Variants in GUCD1 observed in about 807,000 individuals in gnomAD.
The protein encoded by GUCD1 is guanylyl cyclase domain containing 1.
GUCD1 carries 17 observed loss-of-function variants against 28.3 expected under a neutral mutation model. The ratio of observed to expected loss-of-function variants is 0.60; its 90% confidence interval spans 0.41 to 0.90. The LOEUF is 0.90. Among genes scored for constraint, GUCD1 ranks in the 40% least tolerant of loss-of-function variants. The pLI is 0.00. For synonymous variants in GUCD1, 129 were observed against 123.3 expected (o/e 1.05, Z -0.30); for missense variants, 279 against 305.5 (o/e 0.91, Z 0.65).
intron 4 of GUCD1, among the ~76,000 whole-genome samples, chr22:24,546,245 G>T (rs2044724766): frequency 6.6e-6 from 1 of 152,218 alleles, no homozygotes; most frequent in African/African-American, 2.4e-5. Context: ...ACAGGCGTGA[G>T]CCACCGCGCC....
chr22:24,542,968 A>G lies in GUCD1; in HGVS notation c.*38T>C, dbSNP rs1601531899. On this transcript the variant is annotated 3_prime_UTR_variant, in exon 6 of 6. Transcript: ENST00000435822. ...CTGAGCGGGCCCGGCTGGGGTGGGGATGGGGTCCGAGGGCCTAGGCGCACC... is the reference window on the plus strand; with the variant it reads ...CTGAGCGGGCCCGGCTGGGGTGGGGGTGGGGTCCGAGGGCCTAGGCGCACC... The G allele has an allele frequency of 6.8e-7, 1 of 1,473,862 alleles. No homozygotes were observed. The highest frequency in any genetic ancestry group is 9.5e-7 in the Non-Finnish European group (1 of 1,053,308). The allele number at this position is 1,473,862 out of a possible 1,614,324, so 91.3% of individuals were successfully genotyped here.
rs537645338 is a variant in GUCD1, at chr22:24,551,578, T to C, written c.44-2577A>G. 2.6e-5 allele frequency among the ~76,000 whole-genome samples: 4 copies of C among 152,346 alleles called. No homozygotes were observed. In the South Asian group the frequency reaches 8.3e-4, roughly 32 times the overall value. On this transcript the variant is annotated intron_variant, in intron 1 of 5. Transcript: ENST00000435822. ...ACCCCAAGGCATCTGCACGTGAGGATCCCTCTGTCTGAAACTCTCTCCCGG... is the reference window on the plus strand; with the variant it reads ...ACCCCAAGGCATCTGCACGTGAGGACCCCTCTGTCTGAAACTCTCTCCCGG...
intron 3 of GUCD1, chr22:24,547,689 C>A (rs1268932537): frequency 1.8e-6 from 1 of 549,264 alleles, no homozygotes; most frequent in Non-Finnish European, 3.3e-6. Flanking sequence ...GGACTCAGTA[C>A]TCAGATCCTC....
At chr22:24,554,679 G>A (rs1468686074) in intron 1 of GUCD1, among the ~76,000 whole-genome samples, 1 of 152,190 alleles carries the variant, frequency 6.6e-6, no homozygotes, top group Non-Finnish European at 1.5e-5. Context: ...AGTCCTCCAC[G>A]GTTTCCCAAG....
At chr22:24,553,966 C>CT (rs1343267360) in intron 1 of GUCD1, among the ~76,000 whole-genome samples, 1 of 152,264 alleles carries the variant, frequency 6.6e-6, no homozygotes, top group African/African-American at 2.4e-5. Flanking sequence ...AAAGGGCTGC[C>CT]TGGAAGGCCC....
At position 24,543,114 on chromosome 22, in the gene GUCD1, A is replaced by G. The variant is rs199636561; in HGVS notation, c.629-17T>C. 7.5e-6 allele frequency: 12 copies of G among 1,603,076 alleles called. No homozygotes were observed. In the East Asian group the frequency reaches 2.5e-4, roughly 33 times the overall value. On this transcript the variant is annotated splice_polypyrimidine_tract_variant and intron_variant, in intron 5 of 5. Transcript: ENST00000435822. ...TGCACATTCCTGCTGGGGGTGGGGA[A>G]GGCAGAACGGGGTCAGTGGGTTGTG... is the stretch of plus-strand genomic sequence containing the variant.
upstream of GUCD1, chr22:24,555,748 G>A: frequency 6.4e-7 from 1 of 1,550,646 alleles, no homozygotes; most frequent in South Asian, 1.2e-5. Context: ...TTGGTGTGGG[G>A]TGCTTGGAAG....
chr22:24,545,611 T>C (rs1231130621), intron 4 of GUCD1, among the ~76,000 whole-genome samples: 1 of 108,956 alleles, frequency 9.2e-6, no homozygotes, highest in South Asian at 3.6e-4. Context: ...CACTATATTC[T>C]TTTTTTTTTT....
At chr22:24,555,304 C>T (rs994757247), upstream of GUCD1, 36 of 1,396,444 alleles carry the variant, frequency 2.6e-5, no homozygotes, top group Non-Finnish European at 3.2e-5. Flanking sequence ...ACCCTCTCGC[C>T]CAATCCTCGC....
Position 24,543,117 on chromosome 22 carries a change from C to G in GUCD1, c.629-20G>C, listed in dbSNP as rs761005870. On this transcript the variant is annotated intron_variant, in intron 5 of 5. Coordinates refer to ENST00000435822, the MANE Select transcript of GUCD1 (RefSeq NM_001284254.2). Reference sequence around the variant, plus strand: ...ACATTCCTGCTGGGGGTGGGGAAGGCAGAACGGGGTCAGTGGGTTGTGAGA... The same window carrying G: ...ACATTCCTGCTGGGGGTGGGGAAGGGAGAACGGGGTCAGTGGGTTGTGAGA... 1 of 1,592,280 alleles carries G rather than the reference C, an allele frequency of 6.3e-7. No homozygotes were observed. Among genetic ancestry groups the G allele is most frequent in the Admixed American group, 1.7e-5 (1 of 59,974 alleles).
At chr22:24,550,903 T>C (rs769373107) in intron 1 of GUCD1, among the ~76,000 whole-genome samples, 1 of 152,214 alleles carries the variant, frequency 6.6e-6, no homozygotes, top group African/African-American at 2.4e-5. Flanking sequence ...ATGCGGCCCT[T>C]GCATTGAGCT....
At chr22:24,544,727 C>T (rs1348774929) in intron 4 of GUCD1, among the ~76,000 whole-genome samples, 3 of 152,098 alleles carry the variant, frequency 2.0e-5, no homozygotes, top group Non-Finnish European at 4.4e-5. Flanking sequence ...AAACCTAGAG[C>T]AGGGCTGGGC....
chr22:24,543,733 G>A lies in GUCD1; in HGVS notation c.628+109C>T. 2.2e-6 allele frequency: 3 copies of A among 1,373,710 alleles called. No individual in the cohort carries two copies. The East Asian group carries it at 7.2e-5, about 33-fold the overall frequency. The allele number at this position is 1,373,710 out of a possible 1,614,324, so 85.1% of individuals were successfully genotyped here. A position where few individuals can be genotyped will look rare whatever the true frequency, so the allele number is the denominator to read the frequency against. On this transcript the variant is annotated intron_variant, in intron 5 of 5. Transcript: ENST00000435822. ...GCAGGGGCTTTGGGGAAAAGGTAGG[G>A]AGGGAGGCCCTGGCCACACTAGATT...
At position 24,554,998 on chromosome 22, in the gene GUCD1, G is replaced by C; in HGVS notation, c.-7C>G. 1 of 1,511,244 alleles carries C rather than the reference G, an allele frequency of 6.6e-7. No individual in the cohort carries two copies. The highest frequency in any genetic ancestry group is 1.3e-5 in the South Asian group (1 of 79,500). The allele number at this position is 1,511,244 out of a possible 1,614,324, so 93.6% of individuals were successfully genotyped here. A position where few individuals can be genotyped will look rare whatever the true frequency, so the allele number is the denominator to read the frequency against. ...CCTCCGCCTCCGTCCTCATGACCCG[G>C]GCGGCGCGGGGCGCCCATGGCCCCG... On this transcript the variant is annotated 5_prime_UTR_variant, in exon 1 of 6. Coordinates refer to ENST00000435822, the MANE Select transcript of GUCD1 (RefSeq NM_001284254.2).
In GUCD1 at chr22:24,544,060, TG is replaced by T; in HGVS notation, c.409del (p.Gln137ArgfsTer14). 1 of 1,612,736 alleles carries T rather than the reference TG, an allele frequency of 6.2e-7. No homozygotes were observed. Among genetic ancestry groups the T allele is most frequent in the Non-Finnish European group, 8.5e-7 (1 of 1,179,126 alleles). ...CACATGGCCCTGAGCCAGGTGCGCC[TG>T]GATGTCCTTCACACTCACTGTGCTG... Reference protein sequence around the residue: ...EKCTVSVKDIQAHLAQGHVAI... With the variant: ...EKCTVSVKDIXAHLAQGHVAI... On this transcript the variant is annotated frameshift_variant, in exon 5 of 6. Transcript: ENST00000435822. LOFTEE classifies it high-confidence loss of function.
In GUCD1 at chr22:24,554,971, TGCCTCC is replaced by T; in HGVS notation, c.15_20del (p.Glu6_Ala7del). 1 of 1,561,982 alleles carries T rather than the reference TGCCTCC, an allele frequency of 6.4e-7. No individual in the cohort carries two copies. Among genetic ancestry groups the T allele is most frequent in the South Asian group, 1.2e-5 (1 of 86,858 alleles). On this transcript the variant is annotated inframe_deletion, in exon 1 of 6. Transcript: ENST00000435822. ...GACCGGGCTCGAGCGGCGGCCCCGC[TGCCTCC>T]GCCTCCGTCCTCATGACCCGGGCGG...
chr22:24,555,547 C>T, upstream of GUCD1: 3 of 1,494,986 alleles, frequency 2.0e-6, no homozygotes, highest in Non-Finnish European at 2.7e-6. Context: ...CCTGAGCGGG[C>T]AGCCGCTCTA....
At chr22:24,554,428 G>A (rs1216436354) in intron 1 of GUCD1, among the ~76,000 whole-genome samples, 5 of 152,200 alleles carry the variant, frequency 3.3e-5, no homozygotes, top group African/African-American at 1.2e-4. Context: ...CATCAACCCC[G>A]CGCCTTCAGC....
chr22:24,551,630 C>G (rs1043260558), intron 1 of GUCD1, among the ~76,000 whole-genome samples: 4 of 152,198 alleles, frequency 2.6e-5, no homozygotes, highest in Non-Finnish European at 5.9e-5. Context: ...TGTGTCCCTT[C>G]TAGTCATTCA....
Sources: allele counts gnomAD v4.1 joint callset (sites outside exome capture counted in the v4.1 genomes callset), GRCh38; gene constraint gnomAD v4.1.1; transcripts MANE v1.5; gene names NCBI Gene and HGNC (gene_info 2026-07-23, HGNC 2026-07-21).